Variants in CDKN2AIPNL observed in about 807,000 individuals in gnomAD.
CDKN2AIPNL encodes XRN2 binding domain containing 1, also known as CDKN2AIP N-terminal-like protein.
Under a neutral mutation model 12.9 loss-of-function variants are expected in CDKN2AIPNL, and 9 were observed. The ratio of observed to expected loss-of-function variants is 0.70; its 90% CI spans 0.42 to 1.22. The LOEUF (loss-of-function observed/expected upper bound fraction) is 1.22, where lower values mean the gene tolerates loss of function less well. CDKN2AIPNL is among the 50% of genes most tolerant of loss of function. The probability of loss-of-function intolerance (pLI) is 0.00; values close to 1 mark genes in which losing one functional copy is unlikely to be tolerated. For synonymous variants in CDKN2AIPNL, 53 were observed against 61.7 expected (o/e 0.86, Z 0.66); for missense variants, 143 against 153.6 (o/e 0.93, Z 0.37).
chr5:134,410,922 G>C (rs1039236763), intron 1 of CDKN2AIPNL: 1 of 675,566 alleles, frequency 1.5e-6, no homozygotes, highest in Admixed American at 2.2e-5. Context: ...ATGGAGGGGT[G>C]AAAGGAATGC....
intron 2 of CDKN2AIPNL, among the ~76,000 whole-genome samples, chr5:134,404,947 G>A (rs1216442772): frequency 1.3e-5 from 2 of 151,606 alleles, no homozygotes; most frequent in Non-Finnish European, 2.9e-5. Flanking sequence ...TACCACGCCC[G>A]GCTAATTTTT....
intron 2 of CDKN2AIPNL, among the ~76,000 whole-genome samples, chr5:134,404,051 C>T (rs887465394): frequency 1.3e-5 from 2 of 152,188 alleles, no homozygotes; most frequent in Non-Finnish European, 2.9e-5. Context: ...AGAAAAAAAT[C>T]CCCTAAGCCA....
In CDKN2AIPNL at chr5:134,402,899, T is replaced by G. The variant is rs1759050061; in HGVS notation, c.*16A>C. 1.2e-6 allele frequency: 2 copies of G among 1,608,852 alleles called. No homozygotes were observed. Among genetic ancestry groups the G allele is most frequent in the Non-Finnish European group, 1.7e-6 (2 of 1,178,732 alleles). On this transcript the variant is annotated 3_prime_UTR_variant, in exon 3 of 3. Coordinates refer to ENST00000458198, the MANE Select transcript of CDKN2AIPNL (RefSeq NM_080656.3). ...AATCCTGTAGCTGATGATGAAAATG[T>G]GATAAATCTTCTGGCTTAGCTTTGA...
chr5:134,402,686 G>T lies in CDKN2AIPNL; in HGVS notation c.*229C>A. ...AATGTTGATGAACTCATCTTAGAGTGCATGATTTATAAATACATAAATATC... is the reference window on the plus strand; with the variant it reads ...AATGTTGATGAACTCATCTTAGAGTTCATGATTTATAAATACATAAATATC... On this transcript the variant is annotated 3_prime_UTR_variant, in exon 3 of 3. Transcript: ENST00000458198. 2.4e-6 allele frequency: 1 copy of T among 417,740 alleles called. No individual in the cohort carries two copies. The highest frequency in any genetic ancestry group is 2.0e-5 in the African/African-American group (1 of 48,838). The allele number at this position is 417,740 out of a possible 1,614,324, so 25.9% of individuals were successfully genotyped here.
At chr5:134,404,312 A>C (rs1361811986) in intron 2 of CDKN2AIPNL, among the ~76,000 whole-genome samples, 1 of 152,104 alleles carries the variant, frequency 6.6e-6, no homozygotes, top group Non-Finnish European at 1.5e-5. Context: ...TGATTTAACT[A>C]ATCTGACAGG....
rs987582308 is a variant in CDKN2AIPNL, at chr5:134,402,713, A to G, written c.*202T>C. On this transcript the variant is annotated 3_prime_UTR_variant, in exon 3 of 3. Coordinates refer to ENST00000458198, the MANE Select transcript of CDKN2AIPNL (RefSeq NM_080656.3). The stretch of plus-strand genomic sequence containing the variant: ...ATGATTTATAAATACATAAATATCC[A>G]TGCATACTTTTACAGTGATAACTCC... 2.2e-6 allele frequency: 1 copy of G among 454,144 alleles called. No homozygotes were observed. The highest frequency in any genetic ancestry group is 3.9e-6 in the Non-Finnish European group (1 of 256,112). The allele number at this position is 454,144 out of a possible 1,614,324, so 28.1% of individuals were successfully genotyped here.
At chr5:134,407,407 G>A (rs1354555463) in intron 2 of CDKN2AIPNL, among the ~76,000 whole-genome samples, 1 of 152,030 alleles carries the variant, frequency 6.6e-6, no homozygotes, top group African/African-American at 2.4e-5. Context: ...TACCCAACAT[G>A]ACTGGAAAGA....
At chr5:134,407,001 G>C (rs963012456) in intron 2 of CDKN2AIPNL, among the ~76,000 whole-genome samples, 2 of 152,182 alleles carry the variant, frequency 1.3e-5, no homozygotes, top group Non-Finnish European at 2.9e-5. Context: ...AGTTTTATTT[G>C]AAGGAAGTTG....
intron 2 of CDKN2AIPNL, among the ~76,000 whole-genome samples, chr5:134,403,906 G>A (rs1170123391): frequency 6.6e-6 from 1 of 152,176 alleles, no homozygotes; most frequent in Admixed American, 6.5e-5. Context: ...TTAGAGGCGT[G>A]AGCCACTGTG....
At chr5:134,410,748 A>G (rs939586619) in intron 1 of CDKN2AIPNL, 2 of 479,856 alleles carry the variant, frequency 4.2e-6, no homozygotes, top group African/African-American at 1.9e-5. Context: ...CAATATGTGA[A>G]GCAAAACCAA....
intron 1 of CDKN2AIPNL, 54 bp downstream of exon 1, chr5:134,411,562 C>T (rs752813951): frequency 1.4e-6 from 2 of 1,481,344 alleles, no homozygotes; most frequent in Admixed American, 1.8e-5. Context: ...CTGGGAGAGG[C>T]CTTGAGGGTC....
In CDKN2AIPNL at chr5:134,411,862, G is replaced by C. The variant is rs749346387; in HGVS notation, c.-8C>G. The stretch of plus-strand genomic sequence containing the variant: ...CGCCTCGCCACCGACCATGGTGCCC[G>C]CCGCAGCCGAGGACCGGATAGCCCG... On this transcript the variant is annotated 5_prime_UTR_variant, in exon 1 of 3. Coordinates refer to ENST00000458198, the MANE Select transcript of CDKN2AIPNL (RefSeq NM_080656.3). 1 of 1,559,604 alleles carries C rather than the reference G, an allele frequency of 6.4e-7. No individual in the cohort carries two copies. The highest frequency in any genetic ancestry group is 1.9e-5 in the Admixed American group (1 of 52,882).
At chr5:134,411,193 C>T (rs1448586644) in intron 1 of CDKN2AIPNL, 5 of 675,566 alleles carry the variant, frequency 7.4e-6, no homozygotes, top group African/African-American at 1.8e-5. Context: ...TCACTTCTCT[C>T]CCTAAGCTTT....
intron 1 of CDKN2AIPNL, chr5:134,410,762 G>C (rs892652462): frequency 2.0e-6 from 1 of 512,270 alleles, no homozygotes; most frequent in African/African-American, 1.9e-5. Context: ...AAACCAAGTG[G>C]CTTAGGCCTG....
intron 1 of CDKN2AIPNL, chr5:134,410,776 G>T: frequency 1.9e-6 from 1 of 536,022 alleles, no homozygotes; most frequent in Admixed American, 3.1e-5. Flanking sequence ...AGGCCTGCAG[G>T]GGCCAAATGA....
intron 2 of CDKN2AIPNL, among the ~76,000 whole-genome samples, chr5:134,406,632 T>A (rs1944542547): frequency 6.6e-6 from 1 of 152,096 alleles, no homozygotes; most frequent in Admixed American, 6.5e-5. Flanking sequence ...CCAGGCACAG[T>A]GACTCACACC....
intron 2 of CDKN2AIPNL, among the ~76,000 whole-genome samples, 156 bp downstream of exon 2, chr5:134,409,747 G>A (rs559164063): frequency 6.6e-6 from 1 of 152,274 alleles, no homozygotes; most frequent in Admixed American, 6.5e-5. Flanking sequence ...TTTATGAAAA[G>A]GCTTATACCA....
At chr5:134,404,204 G>C in intron 2 of CDKN2AIPNL, among the ~76,000 whole-genome samples, 1 of 152,192 alleles carries the variant, frequency 6.6e-6, no homozygotes, top group East Asian at 1.9e-4. Flanking sequence ...TGGTCTGTGG[G>C]ATCAGACACA....
chr5:134,409,074 C>T (rs1235533744), intron 2 of CDKN2AIPNL, among the ~76,000 whole-genome samples: 1 of 152,192 alleles, frequency 6.6e-6, no homozygotes, highest in Non-Finnish European at 1.5e-5. Context: ...TTTTACTCTA[C>T]TGCTTCAGTC....
Sources: allele counts gnomAD v4.1 joint callset (sites outside exome capture counted in the v4.1 genomes callset), GRCh38; gene constraint gnomAD v4.1.1; transcripts MANE v1.5; gene names NCBI Gene and HGNC (gene_info 2026-07-23, HGNC 2026-07-21).